The following MBOAT2 variants were observed in gnomAD, a reference collection of about 807,000 sequenced individuals.
MBOAT2 encodes the protein membrane bound glycerophospholipid O-acyltransferase 2, also known as membrane-bound glycerophospholipid O-acyltransferase 2.
MBOAT2 carries 28 observed loss-of-function variants against 63.4 expected under a neutral mutation model. The ratio of observed to expected loss-of-function variants is 0.44; its 90% CI spans 0.33 to 0.61. The LOEUF (loss-of-function observed/expected upper bound fraction) is 0.61, where lower values mean the gene tolerates loss of function less well. Among genes scored for constraint, MBOAT2 ranks in the 20% least tolerant of loss-of-function variants. The probability of loss-of-function intolerance (pLI) is 0.03; values close to 1 mark genes in which losing one functional copy is unlikely to be tolerated. For missense variants in MBOAT2, 470 were observed against 605.8 expected, an observed-to-expected ratio of 0.78 and a Z score of 2.35; for synonymous variants, 211 against 215.6, an observed-to-expected ratio of 0.98 and a Z score of 0.19.
chr2:8,984,580 T>C (rs1349564510), intron 1 of MBOAT2, among the ~76,000 whole-genome samples: 1 of 152,062 alleles, frequency 6.6e-6, no homozygotes, highest in East Asian at 1.9e-4. Flanking sequence ...ATACATTCTC[T>C]TGCAAATCTA....
Position 9,003,556 on chromosome 2 carries a change from T to C in MBOAT2, c.59A>G (p.Gln20Arg). The C allele has an allele frequency of 8.1e-7, 1 of 1,227,030 alleles. No homozygotes were observed. The allele number at this position is 1,227,030 out of a possible 1,614,324, so 76.0% of individuals were successfully genotyped here. ...TLLQPLSNAV[Q>R]LPIDQVNFVV... ...TCGGGGTACCTGGTCGATGGGCAGC[T>C]GCACGGCGTTGCTGAGGGGCTGCAG... The change falls in exon 1 of 13, where the codon CAG (glutamine) becomes CGG (arginine). Residue 20 changes from glutamine to arginine, a missense_variant. Coordinates refer to ENST00000305997, the MANE Select transcript of MBOAT2 (RefSeq NM_138799.4). This position sits in a 1 kb window ranked among gnomAD's most constrained non-coding sequence, Gnocchi z 5.4.
chr2:8,955,124 TC>T (rs1401133416), intron 2 of MBOAT2, among the ~76,000 whole-genome samples: 3 of 152,198 alleles, frequency 2.0e-5, no homozygotes, highest in Non-Finnish European at 4.4e-5. Flanking sequence ...GAGCAGGTGC[TC>T]TAATCTCTGG....
At chr2:8,914,067 C>T (rs1205170008) in intron 3 of MBOAT2, among the ~76,000 whole-genome samples, 1 of 152,136 alleles carries the variant, frequency 6.6e-6, no homozygotes, top group Non-Finnish European at 1.5e-5. Flanking sequence ...TGAAGTAACT[C>T]AGGAATGGAA....
Position 8,888,031 on chromosome 2 carries a change from G to A in MBOAT2, c.438C>T (p.Cys146=), listed in dbSNP as rs745345799. The change falls in exon 5 of 13, where the codon TGC becomes TGT. Residue 146 remains cysteine, a synonymous_variant. Transcript: ENST00000305997. ...CAGAATTCTTACCATCATGAATTTC[G>A]CAAGCCAAACTAGTGATCTTCTGAG... is the stretch of plus-strand genomic sequence containing the variant. ...IITQKITSLA[C]EIHDGMFRKD... The A allele has an allele frequency of 9.3e-6, 15 of 1,612,870 alleles. No individual in the cohort carries two copies. The highest frequency in any genetic ancestry group is 4.0e-5 in the African/African-American group (3 of 74,826).
intron 6 of MBOAT2, among the ~76,000 whole-genome samples, chr2:8,881,310 T>A (rs1458198888): frequency 6.6e-6 from 1 of 152,050 alleles, no homozygotes; most frequent in South Asian, 2.1e-4. Context: ...GCTACCAACA[T>A]GAGTATGGGG....
chr2:8,879,235 T>C (rs1662929871), intron 6 of MBOAT2, among the ~76,000 whole-genome samples: 1 of 152,184 alleles, frequency 6.6e-6, no homozygotes. Flanking sequence ...CCAGGGTAAG[T>C]ACCCTGCAGT....
At chr2:8,946,328 A>G (rs1314423189) in intron 2 of MBOAT2, among the ~76,000 whole-genome samples, 2 of 152,242 alleles carry the variant, frequency 1.3e-5, no homozygotes, top group Non-Finnish European at 2.9e-5. Flanking sequence ...GCTCTATTCC[A>G]TTACCCTATA....
intron 1 of MBOAT2, among the ~76,000 whole-genome samples, chr2:8,975,004 A>T (rs1670718240): frequency 6.6e-6 from 1 of 152,186 alleles, no homozygotes; most frequent in Non-Finnish European, 1.5e-5. Flanking sequence ...TATCTAATCC[A>T]AAAGTATAGC....
At chr2:8,945,047 A>G (rs567551322) in intron 2 of MBOAT2, among the ~76,000 whole-genome samples, 1 of 152,302 alleles carries the variant, frequency 6.6e-6, no homozygotes, top group South Asian at 2.1e-4. Context: ...TCATAACTTT[A>G]GAAGCTACAA....
chr2:8,940,719 C>T (rs557034050), intron 3 of MBOAT2, among the ~76,000 whole-genome samples: 15 of 152,002 alleles, frequency 9.9e-5, no homozygotes, highest in Non-Finnish European at 2.1e-4. Flanking sequence ...TGAATTTACA[C>T]GTGGGTCAAT....
chr2:8,862,123 C>A lies in MBOAT2; in HGVS notation c.1185+467G>T, dbSNP rs998328182. 2 of 249,130 alleles carry A rather than the reference C, an allele frequency of 8.0e-6. No homozygotes were observed. Among genetic ancestry groups the A allele is most frequent in the Admixed American group, 1.1e-4 (2 of 18,086 alleles). 15.4% of individuals were successfully genotyped at this position (249,130 alleles called of 1,614,324 possible). On this transcript the variant is annotated intron_variant, in intron 11 of 12. Transcript: ENST00000305997. The surrounding 1 kb of genome is among the most constrained non-coding windows in gnomAD (Gnocchi z 4.3). Reference sequence around the variant, plus strand: ...TCAATTGTTTCCCCAAAATATTACTCTATGTTCTGTCTAGGCAAATACTCT... The same window carrying A: ...TCAATTGTTTCCCCAAAATATTACTATATGTTCTGTCTAGGCAAATACTCT...
At position 8,862,238 on chromosome 2, in the gene MBOAT2, A is replaced by G; in HGVS notation, c.1185+352T>C. On this transcript the variant is annotated intron_variant, in intron 11 of 12. Coordinates refer to ENST00000305997, the MANE Select transcript of MBOAT2 (RefSeq NM_138799.4). The surrounding 1 kb of genome is among the most constrained non-coding windows in gnomAD (Gnocchi z 4.3). ...ATCTGAGAGAGGACTCAAAGGTTAC[A>G]GCTTTCAGGAAACATTTCTAAAATA... 1 of 1,225,216 alleles carries G rather than the reference A, an allele frequency of 8.2e-7. No individual in the cohort carries two copies. Among genetic ancestry groups the G allele is most frequent in the South Asian group, 1.4e-5 (1 of 73,124 alleles). The allele number at this position is 1,225,216 out of a possible 1,614,324, so 75.9% of individuals were successfully genotyped here.
rs887016326 is a variant in MBOAT2 at position 8,854,099 on chromosome 2, A to T, written c.*4580T>A. ...TACCGATGTGGAAAATTTCATTTTAAAATTTCTGTTGTAATCAGAGTTTCT... is the reference window on the plus strand; with the variant it reads ...TACCGATGTGGAAAATTTCATTTTATAATTTCTGTTGTAATCAGAGTTTCT... On this transcript the variant is annotated 3_prime_UTR_variant, in exon 13 of 13. Coordinates refer to ENST00000305997, the MANE Select transcript of MBOAT2 (RefSeq NM_138799.4). The T allele has an allele frequency of 2.0e-5, 3 of 152,248 alleles. No individual in the cohort carries two copies. The highest frequency in any genetic ancestry group is 7.2e-5 in the African/African-American group (3 of 41,462). 9.4% of individuals were successfully genotyped at this position (152,248 alleles called of 1,614,324 possible).
chr2:8,999,703 C>G (rs1207925896), intron 1 of MBOAT2, among the ~76,000 whole-genome samples: 1 of 152,214 alleles, frequency 6.6e-6, no homozygotes, highest in Non-Finnish European at 1.5e-5. Context: ...ACTCTCCATA[C>G]ATTCCTTTAA....
chr2:8,924,425 C>T (rs543500434), intron 3 of MBOAT2, among the ~76,000 whole-genome samples: 1 of 152,260 alleles, frequency 6.6e-6, no homozygotes, highest in South Asian at 2.1e-4. Context: ...GAAGTGTGGG[C>T]TTGCTTGGTG....
intron 3 of MBOAT2, among the ~76,000 whole-genome samples, chr2:8,928,592 T>C (rs191421635): frequency 6.6e-6 from 1 of 152,230 alleles, no homozygotes; most frequent in African/African-American, 2.4e-5. Context: ...TATTACGAAT[T>C]AAAACTGAGA....
chr2:8,892,209 T>C (rs761444689), intron 4 of MBOAT2, among the ~76,000 whole-genome samples: 1 of 152,222 alleles, frequency 6.6e-6, no homozygotes, highest in African/African-American at 2.4e-5. Context: ...GTCTGTATAT[T>C]AATGCTACAA....
intron 1 of MBOAT2, among the ~76,000 whole-genome samples, chr2:8,986,458 G>T (rs1213888987): frequency 2.6e-5 from 4 of 152,026 alleles, no homozygotes; most frequent in Non-Finnish European, 4.4e-5. Context: ...AGCTACTCAG[G>T]AGACTGAGGT....
At chr2:8,901,968 G>C (rs200471007) in intron 4 of MBOAT2, among the ~76,000 whole-genome samples, 2 of 152,110 alleles carry the variant, frequency 1.3e-5, no homozygotes, top group Admixed American at 1.3e-4. Context: ...GGCGAGTCTC[G>C]CTTGGGCGAC....
Sources: allele counts gnomAD v4.1 joint callset (sites outside exome capture counted in the v4.1 genomes callset), GRCh38; gene constraint gnomAD v4.1.1; non-coding constraint Gnocchi (gnomAD v3.1); transcripts MANE v1.5; gene names NCBI Gene and HGNC (gene_info 2026-07-23, HGNC 2026-07-21).